BEAN1: variants seen among roughly 807,000 people sequenced by gnomAD.
BEAN1 encodes protein BEAN1.
In BEAN1, 17 loss-of-function variants were observed where a neutral mutation model predicts 17.7. The observed-to-expected ratio is 0.96, with a 90% CI of 0.66 to 1.44. The LOEUF (loss-of-function observed/expected upper bound fraction) is 1.44, where lower values mean the gene tolerates loss of function less well. Ranked by LOEUF, BEAN1 falls within the 40% of genes most tolerant of loss-of-function variation. The probability of loss-of-function intolerance (pLI) is 0.00; values close to 1 mark genes in which losing one functional copy is unlikely to be tolerated. For missense variants in BEAN1, 359 were observed against 374.1 expected (o/e 0.96, Z 0.33); for synonymous variants, 142 against 151.8 (o/e 0.94, Z 0.47).
At chr16:66,449,416 T>C (rs1338153437) in intron 2 of BEAN1, among the ~76,000 whole-genome samples, 1 of 152,120 alleles carries the variant, frequency 6.6e-6, no homozygotes, top group Non-Finnish European at 1.5e-5. Context: ...GAGATCAGCC[T>C]GGCTAACATG....
chr16:66,456,265 A>G (rs774658405), intron 2 of BEAN1, among the ~76,000 whole-genome samples: 30 of 152,224 alleles, frequency 2.0e-4, no homozygotes, highest in Non-Finnish European at 5.9e-5. Flanking sequence ...AACATTTTAC[A>G]TGTCAATTAT....
chr16:66,463,135 G>A (rs1567498111), intron 2 of BEAN1, among the ~76,000 whole-genome samples: 1 of 152,192 alleles, frequency 6.6e-6, no homozygotes. Flanking sequence ...GTGGACTTAT[G>A]TTTCCATTTT....
intron 2 of BEAN1, among the ~76,000 whole-genome samples, chr16:66,443,357 T>A (rs566441763): frequency 1.3e-5 from 2 of 152,160 alleles, no homozygotes; most frequent in African/African-American, 4.8e-5. Context: ...ATTCCACACA[T>A]GAGGAAGCTG....
chr16:66,434,796 G>C lies in BEAN1; in HGVS notation c.-82-2799G>C, dbSNP rs1382861964. 6.6e-6 allele frequency among the ~76,000 whole-genome samples: 1 copy of C among 152,134 alleles called. No homozygotes were observed. Among genetic ancestry groups the C allele is most frequent in the Non-Finnish European group, 1.5e-5 (1 of 68,018 alleles). On this transcript the variant is annotated intron_variant, in intron 1 of 4. Transcript: ENST00000536005. This position sits in a 1 kb window ranked among gnomAD's most constrained non-coding sequence, Gnocchi z 4.3. ...GCAAGCCAAGCACCTTTGAAAGGCA[G>C]CCTCCACCCCTCAGTCGTGCGCTTG...
At chr16:66,470,685 G>A (rs146572807) in intron 3 of BEAN1, among the ~76,000 whole-genome samples, 3 of 152,324 alleles carry the variant, frequency 2.0e-5, no homozygotes, top group Non-Finnish European at 4.4e-5. Flanking sequence ...AGAGTTGGTG[G>A]CTAATTCTTG....
chr16:66,436,450 T>C lies in BEAN1; in HGVS notation c.-82-1145T>C, dbSNP rs187319988. On this transcript the variant is annotated intron_variant, in intron 1 of 4. Coordinates refer to ENST00000536005, the MANE Select transcript of BEAN1 (RefSeq NM_001178020.3). ...GCCCGGCTAATTTTTTGTATTTTTT[T>C]TTTTTTTTTAGTAGAGACGGGGTTT... Among the ~76,000 whole-genome samples the C allele has an allele frequency of 1.3e-3, 201 of 151,012 alleles. 1 individual carries two copies. The highest frequency in any genetic ancestry group is 4.7e-3 in the African/African-American group (194 of 41,250).
intron 1 of BEAN1, among the ~76,000 whole-genome samples, chr16:66,435,414 C>A (rs1961976460): frequency 6.6e-6 from 1 of 152,208 alleles, no homozygotes; most frequent in South Asian, 2.1e-4. Context: ...TGAATGTGAG[C>A]CACAGCTGGA....
Position 66,471,592 on chromosome 16 carries a change from G to A in BEAN1, c.289+1727G>A, listed in dbSNP as rs1472065018. ...GTTAGGAGAATCAGAAGAGCAGGAG[G>A]CTGGACCTTGTGTAAGACACAGAGG... On this transcript the variant is annotated intron_variant, in intron 3 of 4. Coordinates refer to ENST00000536005, the MANE Select transcript of BEAN1 (RefSeq NM_001178020.3). This position sits in a 1 kb window ranked among gnomAD's most constrained non-coding sequence, Gnocchi z 4.7. Among the ~76,000 whole-genome samples, 1 of 152,256 alleles carries A rather than the reference G, an allele frequency of 6.6e-6. No homozygotes were observed. Among genetic ancestry groups the A allele is most frequent in the Non-Finnish European group, 1.5e-5 (1 of 68,044 alleles).
chr16:66,437,735 G>C, intron 2 of BEAN1, 34 bp downstream of exon 2: 2 of 1,527,914 alleles, frequency 1.3e-6, no homozygotes, highest in East Asian at 2.4e-5. Flanking sequence ...CCACCACTTG[G>C]GGCCAGGCAA....
chr16:66,462,526 G>A (rs1234487360), intron 2 of BEAN1, among the ~76,000 whole-genome samples: 1 of 152,230 alleles, frequency 6.6e-6, no homozygotes, highest in East Asian at 1.9e-4. Flanking sequence ...ACAAGGCCAG[G>A]GGCAGTGGCT....
At chr16:66,493,327 C>A (rs1181353165) in exon 5 of BEAN1, 1 of 691,942 alleles carries the variant, frequency 1.4e-6, no homozygotes, top group Non-Finnish European at 2.6e-6. Flanking sequence ...GGGTGGGGTC[C>A]GAGACGGCCC....
Position 66,473,477 on chromosome 16 carries a change from G to A in BEAN1, c.289+3612G>A, listed in dbSNP as rs1377379744. Among the ~76,000 whole-genome samples the A allele has an allele frequency of 2.6e-5, 4 of 152,102 alleles. No individual in the cohort carries two copies. Among genetic ancestry groups the A allele is most frequent in the East Asian group, 1.9e-4 (1 of 5,168 alleles). On this transcript the variant is annotated intron_variant, in intron 3 of 4. Coordinates refer to ENST00000536005, the MANE Select transcript of BEAN1 (RefSeq NM_001178020.3). This position sits in a 1 kb window ranked among gnomAD's most constrained non-coding sequence, Gnocchi z 4.5. ...TTCTGGAGGATGCGCAGGGGCTGCC[G>A]GGAGCCTTGGGAGGGTGCCAGGGAA...
intron 4 of BEAN1, among the ~76,000 whole-genome samples, chr16:66,492,452 T>C (rs934179181): frequency 1.3e-5 from 2 of 150,814 alleles, no homozygotes; most frequent in African/African-American, 2.4e-5. Flanking sequence ...GTTTTTTTGT[T>C]TTTTTGAGAT....
chr16:66,471,476 C>T lies in BEAN1; in HGVS notation c.289+1611C>T, dbSNP rs1246025880. 1.3e-5 allele frequency among the ~76,000 whole-genome samples: 2 copies of T among 152,240 alleles called. No homozygotes were observed. Among genetic ancestry groups the T allele is most frequent in the Non-Finnish European group, 2.9e-5 (2 of 68,040 alleles). ...GTGTCGGGGAGACGCCCCTGGGAGCCGCCCCGTGGGCTCAAGGCAGTGTCC... is the reference window on the plus strand; with the variant it reads ...GTGTCGGGGAGACGCCCCTGGGAGCTGCCCCGTGGGCTCAAGGCAGTGTCC... On this transcript the variant is annotated intron_variant, in intron 3 of 4. Transcript: ENST00000536005. The surrounding 1 kb of genome is among the most constrained non-coding windows in gnomAD (Gnocchi z 4.7).
Position 66,493,321 on chromosome 16 carries a change from G to GAA in BEAN1, c.507_508insAA (p.Gly170LysfsTer21), listed in dbSNP as rs1307424323. 10 of 696,854 alleles carry GAA rather than the reference G, an allele frequency of 1.4e-5. 1 individual carries two copies. In the Admixed American group the frequency reaches 2.0e-4, roughly 14 times the overall value. The allele number at this position is 696,854 out of a possible 1,614,324, so 43.2% of individuals were successfully genotyped here. On this transcript the variant is annotated frameshift_variant, in exon 5 of 5. Transcript: ENST00000561796. LOFTEE classifies it low-confidence loss of function (END_TRUNC). ...CACAGCAAGGTCCCTCAGAAGGGGT[G>GAA]GGGTCCGAGACGGCCCTGGCAGAGG...
intron 3 of BEAN1, among the ~76,000 whole-genome samples, chr16:66,477,235 A>G (rs920999098): frequency 6.6e-6 from 1 of 151,650 alleles, no homozygotes; most frequent in African/African-American, 2.4e-5. Context: ...GCCTGCCTTT[A>G]CTCCCACAGT....
chr16:66,474,788 A>T (rs894632624), intron 3 of BEAN1, among the ~76,000 whole-genome samples: 1 of 152,196 alleles, frequency 6.6e-6, no homozygotes, highest in Non-Finnish European at 1.5e-5. Context: ...AGAAGGAAAG[A>T]AAAGAAAATT....
chr16:66,484,786 G>A (rs578139444), downstream of BEAN1: 1 of 454,138 alleles, frequency 2.2e-6, no homozygotes, highest in African/African-American at 2.0e-5. This position sits in a 1 kb window ranked among gnomAD's most constrained non-coding sequence, Gnocchi z 4.2. Flanking sequence ...ACACAGAGTA[G>A]AACGCACCTC....
At chr16:66,483,120 C>T (rs114845752), downstream of BEAN1, 1,382 of 318,898 alleles carry the variant, frequency 4.3e-3, 18 homozygotes, top group African/African-American at 0.029. Flanking sequence ...CTCAGCCTCC[C>T]GAGTAGGGTT....
Sources: allele counts gnomAD v4.1 joint callset (sites outside exome capture counted in the v4.1 genomes callset), GRCh38; gene constraint gnomAD v4.1.1; non-coding constraint Gnocchi (gnomAD v3.1); transcripts MANE v1.5; gene names NCBI Gene and HGNC (gene_info 2026-07-23, HGNC 2026-07-21).